The following PKP2 variants were observed in gnomAD, a reference collection of about 807,000 sequenced individuals.
The protein encoded by PKP2 is plakophilin 2.
Under a neutral mutation model 83.4 loss-of-function variants are expected in PKP2, and 73 were observed. The observed-to-expected ratio is 0.88, with a 90% CI of 0.72 to 1.06. The LOEUF is 1.06. Among genes scored for constraint, PKP2 ranks in the 50% least tolerant of loss-of-function variants. PKP2 has a pLI of 0.00. For missense variants in PKP2, 966 were observed against 1,065.4 expected (o/e 0.91, Z 1.30); for synonymous variants, 409 against 430.4 (o/e 0.95, Z 0.62).
At chr12:32,844,057 G>A (rs1956624860) in intron 5 of PKP2, among the ~76,000 whole-genome samples, 1 of 152,158 alleles carries the variant, frequency 6.6e-6, no homozygotes, top group South Asian at 2.1e-4. Flanking sequence ...AGGATTAATT[G>A]GAACAAAGGG....
intron 9 of PKP2, among the ~76,000 whole-genome samples, chr12:32,810,681 T>TAAATGAGAATTTCAGC (rs1592732918): frequency 2.0e-5 from 1 of 50,334 alleles, no homozygotes; most frequent in African/African-American, 5.8e-5. Context: ...AAACATTTTT[T>TAAATGAGAATTTCAGC]TTTTTTTTTT....
chr12:32,826,790 C>T (rs1053051311), intron 6 of PKP2, among the ~76,000 whole-genome samples: 3 of 152,194 alleles, frequency 2.0e-5, no homozygotes, highest in African/African-American at 7.2e-5. Flanking sequence ...ACTGAAAAAG[C>T]ATCTTTTCCA....
chr12:32,816,558 C>T (rs919036318), intron 9 of PKP2, among the ~76,000 whole-genome samples: 2 of 152,112 alleles, frequency 1.3e-5, no homozygotes, highest in East Asian at 3.9e-4. Context: ...TATGAGTGCA[C>T]GTGTCTTCTT....
rs142245420 is a variant in PKP2 at position 32,863,210 on chromosome 12, G to A, written c.1170+5717C>T. 8.5e-3 allele frequency: 2,013 copies of A among 237,912 alleles called. 23 individuals carry two copies. The highest frequency in any genetic ancestry group is 0.012 in the Non-Finnish European group (1,339 of 108,962). The allele number at this position is 237,912 out of a possible 1,614,324, so 14.7% of individuals were successfully genotyped here. A position where few individuals can be genotyped will look rare whatever the true frequency, so the allele number is the denominator to read the frequency against. On this transcript the variant is annotated intron_variant, in intron 4 of 12. Coordinates refer to ENST00000340811, the MANE Select transcript of PKP2 (RefSeq NM_001005242.3). ...CTTAAAATTAAAGGTGTTTATGCCC[G>A]AGATGAAACAGAATTCTACTTGGGC...
intron 9 of PKP2, among the ~76,000 whole-genome samples, chr12:32,814,682 G>C (rs945218727): frequency 2.6e-5 from 4 of 152,276 alleles, no homozygotes; most frequent in African/African-American, 9.6e-5. Flanking sequence ...CCAGCACTTT[G>C]GGAGGCAGAG....
chr12:32,822,582 T>A lies in PKP2; in HGVS notation c.1724A>T (p.Glu575Val), dbSNP rs1400382989. 6.2e-7 allele frequency: 1 copy of A among 1,614,094 alleles called. No individual in the cohort carries two copies. The highest frequency in any genetic ancestry group is 8.5e-7 in the Non-Finnish European group (1 of 1,179,964). The stretch of plus-strand genomic sequence containing the variant: ...GGAATATTTCTCTGGGAGCTCTGCC[T>A]CCAGCTGGTAGGAGAGGTTATGAAG... ...CILHNLSYQLEAELPEKYSQN... is the reference protein window; with the variant it reads ...CILHNLSYQLVAELPEKYSQN... The change falls in exon 8 of 13, where the codon GAG becomes GTG. Residue 575 changes from glutamate to valine, a missense_variant. Physicochemically the swap from Glu to Val is moderately radical, Grantham distance 121. Transcript: ENST00000340811.
At chr12:32,795,334 C>T (rs1956110615) in intron 11 of PKP2, among the ~76,000 whole-genome samples, 1 of 151,216 alleles carries the variant, frequency 6.6e-6, no homozygotes, top group Non-Finnish European at 1.5e-5. Context: ...TCTCATCAGG[C>T]TACCCCCTGA....
chr12:32,882,589 T>C (rs1235069224), intron 1 of PKP2, among the ~76,000 whole-genome samples: 3 of 152,222 alleles, frequency 2.0e-5, no homozygotes, highest in African/African-American at 7.2e-5. Context: ...TAATCAGGTT[T>C]ATTGAACTAA....
chr12:32,892,763 A>T (rs1485693894), intron 1 of PKP2, among the ~76,000 whole-genome samples: 1 of 139,932 alleles, frequency 7.1e-6, no homozygotes, highest in Non-Finnish European at 1.5e-5. Flanking sequence ...CTTTATAAGT[A>T]GTAAATACAA....
At chr12:32,812,817 A>G (rs1166457775) in intron 9 of PKP2, among the ~76,000 whole-genome samples, 1 of 152,102 alleles carries the variant, frequency 6.6e-6, no homozygotes, top group Non-Finnish European at 1.5e-5. Context: ...ATTAACTTTT[A>G]AATGGGAAAA....
chr12:32,807,712 T>C lies in PKP2; in HGVS notation c.2014-5156A>G, dbSNP rs140295259. ...AGTGCTTCCTTCAGGAGCTTTTGCATGGTAGGCCTGGTATTGACGAATTCC... is the reference window on the plus strand; with the variant it reads ...AGTGCTTCCTTCAGGAGCTTTTGCACGGTAGGCCTGGTATTGACGAATTCC... On this transcript the variant is annotated intron_variant, in intron 9 of 12. Coordinates refer to ENST00000340811, the MANE Select transcript of PKP2 (RefSeq NM_001005242.3). 7.4e-3 allele frequency among the ~76,000 whole-genome samples: 1,120 copies of C among 152,322 alleles called. 19 individuals carry two copies. Among genetic ancestry groups the C allele is most frequent in the African/African-American group, 0.025 (1,030 of 41,580 alleles).
At chr12:32,878,592 A>G (rs1220524723) in intron 2 of PKP2, 49 bp from the exon 3 acceptor site, 1 of 1,468,730 alleles carries the variant, frequency 6.8e-7, no homozygotes, top group East Asian at 2.3e-5. Flanking sequence ...TCAAATTTCA[A>G]CTTTGCTGAG....
At chr12:32,836,744 A>T (rs1427657300) in intron 6 of PKP2, among the ~76,000 whole-genome samples, 2 of 152,198 alleles carry the variant, frequency 1.3e-5, no homozygotes, top group Non-Finnish European at 2.9e-5. Context: ...CATGATTTTT[A>T]AAAATATAGC....
intron 6 of PKP2, among the ~76,000 whole-genome samples, chr12:32,826,451 A>T (rs1157620981): frequency 6.6e-6 from 1 of 152,192 alleles, no homozygotes; most frequent in Admixed American, 6.5e-5. Context: ...TGGCAATTTC[A>T]TGATTCAACG....
chr12:32,840,461 C>A (rs1265703822), intron 6 of PKP2, among the ~76,000 whole-genome samples: 1 of 151,974 alleles, frequency 6.6e-6, no homozygotes, highest in Non-Finnish European at 1.5e-5. Flanking sequence ...CCATGTCCAG[C>A]TAATTTTTTC....
At chr12:32,821,566 G>A in intron 8 of PKP2, 37 bp from the exon 9 acceptor site, 1 of 1,595,572 alleles carries the variant, frequency 6.3e-7, no homozygotes, top group South Asian at 1.1e-5. Flanking sequence ...ATTAATGCAT[G>A]TCAGGTGATG....
At chr12:32,799,161 T>C (rs1956157008) in intron 10 of PKP2, among the ~76,000 whole-genome samples, 1 of 152,172 alleles carries the variant, frequency 6.6e-6, no homozygotes, top group Admixed American at 6.5e-5. Flanking sequence ...AATTTTTTGA[T>C]ACGCCTCATA....
At chr12:32,792,571 C>G (rs1956079469) in intron 12 of PKP2, 73 bp downstream of exon 12, 1 of 1,553,306 alleles carries the variant, frequency 6.4e-7, no homozygotes, top group Non-Finnish European at 8.9e-7. Context: ...CGATTTCTTC[C>G]CAGGGTCAAG....
chr12:32,855,773 C>CAAAAAAAAAAAAAAAAAA (rs11431590), intron 4 of PKP2, among the ~76,000 whole-genome samples: 14 of 46,838 alleles, frequency 3.0e-4, no homozygotes, highest in African/African-American at 1.4e-3. Context: ...GACTCCATCT[C>CAAAAAAAAAAAAAAAAAA]AAAAAAAAAA....
Sources: allele counts gnomAD v4.1 joint callset (sites outside exome capture counted in the v4.1 genomes callset), GRCh38; gene constraint gnomAD v4.1.1; transcripts MANE v1.5; gene names NCBI Gene and HGNC (gene_info 2026-07-23, HGNC 2026-07-21).